PCDHGA5: variants seen among roughly 807,000 people sequenced by gnomAD.
The protein encoded by PCDHGA5 is protocadherin gamma-A5.
PCDHGA5 carries 36 observed loss-of-function variants against 56.7 expected under a neutral mutation model. That is an observed-to-expected ratio of 0.64 (90% CI 0.49 to 0.84). PCDHGA5 has a LOEUF of 0.84. Among genes scored for constraint, PCDHGA5 ranks in the 40% least tolerant of loss-of-function variants. The probability of loss-of-function intolerance (pLI) is 0.00; values close to 1 mark genes in which losing one functional copy is unlikely to be tolerated. For missense variants in PCDHGA5, 1,305 were observed against 1,201.5 expected (o/e 1.09, Z -1.27); for synonymous variants, 563 against 520.2 (o/e 1.08, Z -1.12).
At chr5:141,400,431 A>T (rs542969819) in intron 1 of PCDHGA5, 1 of 1,614,034 alleles carries the variant, frequency 6.2e-7, no homozygotes. Context: ...GTAGTGAGCA[A>T]TTGAGTTCAG....
At position 141,482,089 on chromosome 5, in the gene PCDHGA5, CAAA is replaced by C. The variant is rs36035257; in HGVS notation, c.2422-12704_2422-12702del. 2.7e-4 allele frequency among the ~76,000 whole-genome samples: 36 copies of C among 134,496 alleles called. No individual in the cohort carries two copies. The East Asian group carries it at 3.5e-3, about 13-fold the overall frequency. The allele number at this position is 134,496 out of a possible 152,430, so 88.2% of individuals were successfully genotyped here. On this transcript the variant is annotated intron_variant, in intron 1 of 3. Coordinates refer to ENST00000518069, the MANE Select transcript of PCDHGA5 (RefSeq NM_018918.3). ...AACAAGAACAAAACTCACTCCATCTCAAAAAAAAAAAAAAAATATCTAGAGATG... is the reference window on the plus strand; with the variant it reads ...AACAAGAACAAAACTCACTCCATCTCAAAAAAAAAAAAATATCTAGAGATG...
intron 1 of PCDHGA5, chr5:141,410,801 A>T: frequency 3.4e-6 from 2 of 587,936 alleles, no homozygotes; most frequent in South Asian, 3.5e-5. Context: ...AAGTTGCTCT[A>T]TCTTTTTGTA....
chr5:141,398,092 T>C (rs748472174), intron 1 of PCDHGA5: 19 of 1,598,994 alleles, frequency 1.2e-5, no homozygotes, highest in Non-Finnish European at 1.6e-5. Flanking sequence ...ACCTGGCGTC[T>C]CCAGGCTGGT....
intron 1 of PCDHGA5, chr5:141,422,758 A>AAC (rs748292321): frequency 6.2e-7 from 1 of 1,613,150 alleles, no homozygotes. Flanking sequence ...TATTAACTCC[A>AAC]ACACTGGTGT....
In PCDHGA5 at chr5:141,403,434, A is replaced by C. The variant is rs774605332; in HGVS notation, c.2421+36683A>C. On this transcript the variant is annotated intron_variant, in intron 1 of 3. Transcript: ENST00000518069. ...CCACTTCCAGAAGCTATTGATCCGGATGTTGGCGTGAACTCCCTCCAGAGC... is the reference window on the plus strand; with the variant it reads ...CCACTTCCAGAAGCTATTGATCCGGCTGTTGGCGTGAACTCCCTCCAGAGC... The C allele has an allele frequency of 1.9e-6, 3 of 1,614,024 alleles. No individual in the cohort carries two copies. In the South Asian group the frequency reaches 3.3e-5, roughly 18 times the overall value.
intron 1 of PCDHGA5, chr5:141,433,186 G>A (rs753657435): frequency 1.4e-5 from 23 of 1,601,378 alleles, no homozygotes; most frequent in Non-Finnish European, 1.9e-5. Context: ...TAATTGAGGT[G>A]AGTTTATATC....
intron 1 of PCDHGA5, chr5:141,433,227 T>C (rs1178649427): frequency 6.5e-6 from 10 of 1,528,034 alleles, no homozygotes; most frequent in Non-Finnish European, 8.9e-6. Context: ...TTTTAATTGC[T>C]CTGTCTCCCA....
chr5:141,418,748 A>G, intron 1 of PCDHGA5: 7 of 1,613,954 alleles, frequency 4.3e-6, no homozygotes, highest in East Asian at 2.2e-5. Context: ...TCTGGATTAC[A>G]CTACAGGAAA....
At chr5:141,454,131 G>A (rs754465889) in intron 1 of PCDHGA5, among the ~76,000 whole-genome samples, 2 of 152,334 alleles carry the variant, frequency 1.3e-5, no homozygotes, top group South Asian at 2.1e-4. Flanking sequence ...AGCTGACCAT[G>A]GGAATGTTCA....
In PCDHGA5 at chr5:141,372,747, G is replaced by A; in HGVS notation, c.2421+5996G>A. ...ACCACAAGATCTTCTATGTGATGAA[G>A]CCTCTTGGTTTGAAAGTAATGACAA... On this transcript the variant is annotated intron_variant, in intron 1 of 3. Transcript: ENST00000518069. The A allele has an allele frequency of 2.5e-6, 4 of 1,613,418 alleles. 1 individual carries two copies. Among genetic ancestry groups the A allele is most frequent in the East Asian group, 4.5e-5 (2 of 44,880 alleles).
Position 141,485,164 on chromosome 5 carries a change from G to A in PCDHGA5, c.2422-9643G>A, listed in dbSNP as rs2099608516. 2 of 1,605,832 alleles carry A rather than the reference G, an allele frequency of 1.2e-6. No homozygotes were observed. Among genetic ancestry groups the A allele is most frequent in the Admixed American group, 1.7e-5 (1 of 59,836 alleles). On this transcript the variant is annotated intron_variant, in intron 1 of 3. Coordinates refer to ENST00000518069, the MANE Select transcript of PCDHGA5 (RefSeq NM_018918.3). This position sits in a 1 kb window ranked among gnomAD's most constrained non-coding sequence, Gnocchi z 5.7. ...CTCAGGAGCAAGTAGAGAATTAGCG[G>A]GCGGCAGCAATGCTCCGCAAGGTGA...
intron 1 of PCDHGA5, chr5:141,409,439 G>C: frequency 6.2e-7 from 1 of 1,613,998 alleles, no homozygotes; most frequent in Non-Finnish European, 8.5e-7. Flanking sequence ...CCTGGACCGA[G>C]AGCAGACACC....
At chr5:141,369,362 A>C (rs1389904751) in intron 1 of PCDHGA5, among the ~76,000 whole-genome samples, 1 of 152,158 alleles carries the variant, frequency 6.6e-6, no homozygotes, top group African/African-American at 2.4e-5. Flanking sequence ...GTATGAAAAA[A>C]CATCCTTTGT....
Position 141,432,732 on chromosome 5 carries a change from T to G in PCDHGA5, c.2422-62075T>G, listed in dbSNP as rs1300743675. 2.5e-6 allele frequency: 4 copies of G among 1,613,940 alleles called. No individual in the cohort carries two copies. Among genetic ancestry groups the G allele is most frequent in the Non-Finnish European group, 3.4e-6 (4 of 1,179,992 alleles). On this transcript the variant is annotated intron_variant, in intron 1 of 3. Coordinates refer to ENST00000518069, the MANE Select transcript of PCDHGA5 (RefSeq NM_018918.3). This position sits in a 1 kb window ranked among gnomAD's most constrained non-coding sequence, Gnocchi z 6.0. ...GGCCAGCCCCCTCTCTCCGCCACTG[T>G]CACGCTCACCGTGGCCGTGGCCGAC...
intron 1 of PCDHGA5, chr5:141,371,629 G>C (rs749054700): frequency 2.2e-5 from 36 of 1,613,866 alleles, no homozygotes; most frequent in Middle Eastern, 1.6e-4. Context: ...GCCCTGGACC[G>C]GGAGCAGATC....
At chr5:141,454,824 T>C (rs1231148585) in intron 1 of PCDHGA5, among the ~76,000 whole-genome samples, 1 of 127,218 alleles carries the variant, frequency 7.9e-6, no homozygotes, top group African/African-American at 3.3e-5. Flanking sequence ...TTTTTTTTTT[T>C]TGAGACAGAG....
Position 141,487,229 on chromosome 5 carries a change from G to A in PCDHGA5, c.2422-7578G>A. On this transcript the variant is annotated intron_variant, in intron 1 of 3. Coordinates refer to ENST00000518069, the MANE Select transcript of PCDHGA5 (RefSeq NM_018918.3). The surrounding 1 kb of genome is among the most constrained non-coding windows in gnomAD (Gnocchi z 5.0). ...AGAATCTTCAGCTCCAAGGGAAGGA[G>A]AATCTCGTCTAACCCTCTACTTGGC... is the stretch of plus-strand genomic sequence containing the variant. The A allele has an allele frequency of 6.2e-7, 1 of 1,614,138 alleles. No individual in the cohort carries two copies. The highest frequency in any genetic ancestry group is 8.5e-7 in the Non-Finnish European group (1 of 1,179,994).
intron 1 of PCDHGA5, chr5:141,422,634 T>C: frequency 1.9e-6 from 3 of 1,612,682 alleles, no homozygotes; most frequent in Non-Finnish European, 2.5e-6. Flanking sequence ...ACCCCAGGGG[T>C]GCCTCCATCT....
At chr5:141,366,801 C>T (rs1185271007) in intron 1 of PCDHGA5, 50 bp downstream of exon 1, 2 of 1,564,024 alleles carry the variant, frequency 1.3e-6, no homozygotes, top group African/African-American at 1.4e-5. Context: ...CATTTGTTTC[C>T]TTTTTCATGT....
Sources: allele counts gnomAD v4.1 joint callset (sites outside exome capture counted in the v4.1 genomes callset), GRCh38; gene constraint gnomAD v4.1.1; non-coding constraint Gnocchi (gnomAD v3.1); transcripts MANE v1.5; gene names NCBI Gene and HGNC (gene_info 2026-07-23, HGNC 2026-07-21).